NACA: variants seen among roughly 807,000 people sequenced by gnomAD.
NACA encodes the protein nascent polypeptide associated complex subunit alpha.
A neutral mutation model predicts 86.4 loss-of-function variants in NACA; 42 were observed. The observed-to-expected ratio is 0.49, with a 90% CI of 0.38 to 0.63. The LOEUF is 0.63. Among genes scored for constraint, NACA ranks in the 20% least tolerant of loss-of-function variants. The pLI is 0.00. For missense variants in NACA, 2,157 were observed against 2,483.6 expected, an observed-to-expected ratio of 0.87 and a Z score of 2.80; for synonymous variants, 898 against 973.7, an observed-to-expected ratio of 0.92 and a Z score of 1.45.
chr12:56,724,617 G>A (rs1274144867), intron 1 of NACA, 94 bp from the exon 2 acceptor site: 14 of 1,359,336 alleles, frequency 1.0e-5, no homozygotes, highest in South Asian at 5.3e-5. Flanking sequence ...TCCGAGGAGG[G>A]CTGTTAGAAA....
intron 2 of NACA, among the ~76,000 whole-genome samples, chr12:56,721,951 G>A (rs1051776921): frequency 6.6e-5 from 10 of 152,152 alleles, no homozygotes; most frequent in African/African-American, 2.2e-4. Context: ...CTGAAAACTG[G>A]AACAAAGAAG....
At chr12:56,714,525 C>T in intron 4 of NACA, 77 bp downstream of exon 4, 1 of 1,603,846 alleles carries the variant, frequency 6.2e-7, no homozygotes. Context: ...TATGAAGGTT[C>T]ACAGTTCCAA....
intron 1 of NACA, 36 bp from the exon 2 acceptor site, chr12:56,724,559 T>C (rs757091572): frequency 3.4e-5 from 54 of 1,589,072 alleles, no homozygotes; most frequent in South Asian, 4.5e-5. Flanking sequence ...CCTAAATTGA[T>C]TGGGATACAT....
Position 56,720,782 on chromosome 12 carries a change from T to C in NACA, c.748A>G (p.Thr250Ala), listed in dbSNP as rs1953550645. 1 of 1,613,688 alleles carries C rather than the reference T, an allele frequency of 6.2e-7. No homozygotes were observed. Among genetic ancestry groups the C allele is most frequent in the East Asian group, 2.2e-5 (1 of 44,854 alleles). Reference sequence around the variant, plus strand: ...GGAGAAATCAGAACTGAGGAAATGGTGGTATCTTTGACTTGAGGGGAAGCG... The same window carrying C: ...GGAGAAATCAGAACTGAGGAAATGGCGGTATCTTTGACTTGAGGGGAAGCG... ...AIASPQVKDT[T>A]ISSVLISPQN... Residue 250 changes from threonine to alanine, a missense_variant, in exon 3 of 9, where the codon ACC (threonine) becomes GCC (alanine). Thr to Ala is a moderately conservative substitution (Grantham distance 58). Coordinates refer to ENST00000454682, the MANE Select transcript of NACA (RefSeq NM_001365896.1).
chr12:56,717,275 G>T lies in NACA; in HGVS notation c.4255C>A (p.Pro1419Thr), dbSNP rs768140778. Reference protein sequence around the residue: ...PLSPKKAPATPVTREGAATPS... With the variant: ...PLSPKKAPATTVTREGAATPS... ...GTGGCTGCGCCTTCTCTGGTGACTG[G>T]AGTTGCTGGAGCCTTTTTGGGGGAG... Residue 1419 changes from proline (P) to threonine (T), a missense_variant, in exon 3 of 9, where the codon CCA (proline) becomes ACA (threonine). Pro to Thr is a conservative substitution (Grantham distance 38). This residue lies in a region of NACA where 797 missense variants were observed against 777.6 expected (regional missense o/e 1.02). Coordinates refer to ENST00000454682, the MANE Select transcript of NACA (RefSeq NM_001365896.1). 1 of 1,339,928 alleles carries T rather than the reference G, an allele frequency of 7.5e-7. No homozygotes were observed. Among genetic ancestry groups the T allele is most frequent in the Non-Finnish European group, 9.8e-7 (1 of 1,023,106 alleles). 83.0% of individuals were successfully genotyped at this position (1,339,928 alleles called of 1,614,324 possible).
chr12:56,719,643 T>C lies in NACA; in HGVS notation c.1887A>G (p.Pro629=), dbSNP rs1247971853. Residue 629 remains proline (P), a synonymous_variant, in exon 3 of 9, where the codon CCA becomes CCG. Transcript: ENST00000454682. The stretch of plus-strand genomic sequence containing the variant: ...TTTTGAGAAGCGGACCAGCAGAGTC[T>C]GGGCCTGCATAAGAATCTGTCTTGA... The part of the protein sequence containing the change: ...SVIKTDSYAG[P]DSAGPLLKSS... 1.2e-6 allele frequency: 2 copies of C among 1,613,862 alleles called. No homozygotes were observed. Among genetic ancestry groups the C allele is most frequent in the East Asian group, 2.2e-5 (1 of 44,888 alleles).
intron 2 of NACA, among the ~76,000 whole-genome samples, chr12:56,723,172 C>T (rs1469060340): frequency 1.3e-5 from 2 of 152,184 alleles, no homozygotes; most frequent in Non-Finnish European, 2.9e-5. Context: ...GAGCTTCCTT[C>T]TTCATTCTAA....
At position 56,716,499 on chromosome 12, in the gene NACA, G is replaced by A; in HGVS notation, c.5031C>T (p.Gly1677=). The A allele has an allele frequency of 6.6e-7, 1 of 1,515,082 alleles. No homozygotes were observed. The highest frequency in any genetic ancestry group is 8.9e-7 in the Non-Finnish European group (1 of 1,117,582). 93.9% of individuals were successfully genotyped at this position (1,515,082 alleles called of 1,614,324 possible). A position where few individuals can be genotyped will look rare whatever the true frequency, so the allele number is the denominator to read the frequency against. The change falls in exon 3 of 9, where the codon GGC becomes GGT. Residue 1677 remains glycine (G), a synonymous_variant. Transcript: ENST00000454682. ...CAAGTACTTCTTTCAGAGCTGTGGG[G>A]CCTTTCTTTGCTGGAAGCCCTTTAG... ...QASKGLPAKK[G]PTALKEVLVA... is the part of the protein sequence containing the mutation.
At position 56,717,093 on chromosome 12, in the gene NACA, T is replaced by C; in HGVS notation, c.4437A>G (p.Pro1479=). Reference sequence around the variant, plus strand: ...AAGAAGTGGCAACTTGTTTGGGGGCTGGGGGCTCCTTGGGGGAAGGAGGAG... The same window carrying C: ...AAGAAGTGGCAACTTGTTTGGGGGCCGGGGGCTCCTTGGGGGAAGGAGGAG... ...AVTPPSPKEP[P]APKQVATSSS... The change falls in exon 3 of 9, where the codon CCA becomes CCG. Residue 1479 remains proline (P), a synonymous_variant. Coordinates refer to ENST00000454682, the MANE Select transcript of NACA (RefSeq NM_001365896.1). The C allele has an allele frequency of 8.8e-7, 1 of 1,132,266 alleles. No homozygotes were observed. The highest frequency in any genetic ancestry group is 1.1e-6 in the Non-Finnish European group (1 of 917,016). The allele number at this position is 1,132,266 out of a possible 1,614,324, so 70.1% of individuals were successfully genotyped here. A position where few individuals can be genotyped will look rare whatever the true frequency, so the allele number is the denominator to read the frequency against.
Position 56,721,264 on chromosome 12 carries a change from G to A in NACA, c.266C>T (p.Thr89Ile). The A allele has an allele frequency of 6.2e-7, 1 of 1,613,356 alleles. No homozygotes were observed. The highest frequency in any genetic ancestry group is 1.7e-4 in the Middle Eastern group (1 of 6,058). Residue 89 changes from threonine (T) to isoleucine (I), a missense_variant, in exon 3 of 9, where the codon ACA becomes ATA. By Grantham distance (89) the Thr-to-Ile change is moderately conservative. Coordinates refer to ENST00000454682, the MANE Select transcript of NACA (RefSeq NM_001365896.1). ...AGGGGCAGTTCCCAAAGGTAGGGCT[G>A]TTCCAGAGGATGACTGGGGAAAAGG... ...EVPFPQSSSG[T>I]ALPLGTAPEA...
rs908030402 is a variant in NACA, at chr12:56,719,759, C to G, written c.1771G>C (p.Ala591Pro). 6.2e-7 allele frequency: 1 copy of G among 1,613,800 alleles called. No homozygotes were observed. The highest frequency in any genetic ancestry group is 8.5e-7 in the Non-Finnish European group (1 of 1,179,848). The change falls in exon 3 of 9, where the codon GCA (alanine) becomes CCA (proline). Residue 591 changes from alanine to proline, a missense_variant. Ala to Pro is a conservative substitution (Grantham distance 27). Coordinates refer to ENST00000454682, the MANE Select transcript of NACA (RefSeq NM_001365896.1). ...EIPLSPEATL[A>P]KKSLGEPLPI... ...AGAGGCTCCCCAAGGCTTTTCTTTG[C>G]TAGGGTGGCTTCAGGAGAAAGAGGT...
Position 56,722,150 on chromosome 12 carries a change from C to A in NACA, c.71-691G>T, listed in dbSNP as rs143658170. Among the ~76,000 whole-genome samples the A allele has an allele frequency of 2.3e-3, 349 of 152,314 alleles. 1 individual carries two copies. Among genetic ancestry groups the A allele is most frequent in the Non-Finnish European group, 4.1e-3 (279 of 68,026 alleles). ...AGAATTTAATATCAAGTATTAAAGT[C>A]ACTTAGCTTCTTTATACCTTACCAG... On this transcript the variant is annotated intron_variant, in intron 2 of 8. Coordinates refer to ENST00000454682, the MANE Select transcript of NACA (RefSeq NM_001365896.1).
chr12:56,720,951 A>C lies in NACA; in HGVS notation c.579T>G (p.Ser193=), dbSNP rs1399879919. 1 of 1,613,920 alleles carries C rather than the reference A, an allele frequency of 6.2e-7. No homozygotes were observed. Among genetic ancestry groups the C allele is most frequent in the East Asian group, 2.2e-5 (1 of 44,900 alleles). ...TGCCTTTTGGATTAGGGACTACCTC[A>C]GAGGGAACTTTATTAAGATTAGTCT... ...EPKTNLNKVP[S]EVVPNPKGTP... is the part of the protein sequence containing the mutation. Residue 193 remains serine (S), a synonymous_variant, in exon 3 of 9, where the codon TCT becomes TCG. Transcript: ENST00000454682.
chr12:56,722,391 G>A (rs1195586037), intron 2 of NACA, among the ~76,000 whole-genome samples: 3 of 152,156 alleles, frequency 2.0e-5, no homozygotes, highest in African/African-American at 7.2e-5. Flanking sequence ...TGCTATTTTG[G>A]AAGAAGAGAA....
At chr12:56,723,248 A>T (rs755821081) in intron 2 of NACA, among the ~76,000 whole-genome samples, 1 of 152,352 alleles carries the variant, frequency 6.6e-6, no homozygotes, top group East Asian at 1.9e-4. Context: ...TAAGCCTACT[A>T]TGCAACTCAG....
chr12:56,718,942 C>A lies in NACA; in HGVS notation c.2588G>T (p.Gly863Val), dbSNP rs1953487815. ...AGTCACAGCTGAGGGAGTAGGGGCC[C>A]CTTTGGGGGATGGAGGAGTGGGAGA... ...THSPTPPSPK[G>V]APTPSAVTPL... is the part of the protein sequence containing the mutation. Residue 863 changes from glycine (G) to valine (V), a missense_variant, in exon 3 of 9, where the codon GGG becomes GTG. Around this residue, in one of 8 missense-constraint regions of NACA, gnomAD observed 174 missense variants for 217.0 expected, o/e 0.80. Transcript: ENST00000454682. The A allele has an allele frequency of 1.4e-6, 2 of 1,445,440 alleles. No homozygotes were observed. Among genetic ancestry groups the A allele is most frequent in the Middle Eastern group, 1.9e-4 (1 of 5,238 alleles). 89.5% of individuals were successfully genotyped at this position (1,445,440 alleles called of 1,614,324 possible). A position where few individuals can be genotyped will look rare whatever the true frequency, so the allele number is the denominator to read the frequency against.
chr12:56,723,669 TA>T (rs943842361), intron 2 of NACA, among the ~76,000 whole-genome samples: 5 of 151,836 alleles, frequency 3.3e-5, no homozygotes, highest in African/African-American at 1.2e-4. Flanking sequence ...AAATGAAATT[TA>T]AAAAAAACCA....
At position 56,716,209 on chromosome 12, in the gene NACA, G is replaced by C. The variant is rs372484247; in HGVS notation, c.5321C>G (p.Thr1774Arg). 7.0e-5 allele frequency: 113 copies of C among 1,613,792 alleles called. No individual in the cohort carries two copies. The African/African-American group carries it at 1.4e-3, about 20-fold the overall frequency. Reference sequence around the variant, plus strand: ...AAGGACCTTCTCAAAGGCAGCTGCTGTTAGAGGGGTGGACGCCTTAGACTC... The same window carrying C: ...AAGGACCTTCTCAAAGGCAGCTGCTCTTAGAGGGGTGGACGCCTTAGACTC... ...PPESKASTPL[T>R]AAAFEKVLPK... Residue 1774 changes from threonine (T) to arginine (R), a missense_variant, in exon 3 of 9, where the codon ACA becomes AGA. Thr to Arg is a moderately conservative substitution (Grantham distance 71). This residue lies in a region of NACA where 797 missense variants were observed against 777.6 expected (regional missense o/e 1.02). Transcript: ENST00000454682.
At chr12:56,715,655 A>C (rs1953332859) in intron 3 of NACA, among the ~76,000 whole-genome samples, 1 of 152,116 alleles carries the variant, frequency 6.6e-6, no homozygotes, top group Non-Finnish European at 1.5e-5. Context: ...AATGATACAC[A>C]ATGTACTATG....
Sources: allele counts gnomAD v4.1 joint callset (sites outside exome capture counted in the v4.1 genomes callset), GRCh38; gene constraint gnomAD v4.1.1; regional missense constraint gnomAD v4.1.1; transcripts MANE v1.5; gene names NCBI Gene and HGNC (gene_info 2026-07-23, HGNC 2026-07-21).